Variants in MED23 observed in about 807,000 individuals in gnomAD.
MED23 encodes the protein mediator of RNA polymerase II transcription subunit 23.
Under a neutral mutation model 163.9 loss-of-function variants are expected in MED23, and 105 were observed. The ratio of observed to expected loss-of-function variants is 0.64; its 90% CI spans 0.55 to 0.75. The LOEUF is 0.75. Among genes scored for constraint, MED23 ranks in the 30% least tolerant of loss-of-function variants. MED23 has a pLI of 0.00. For synonymous variants in MED23, 561 were observed against 565.6 expected, an observed-to-expected ratio of 0.99 and a Z score of 0.12; for missense variants, 1,054 against 1,649.0, an observed-to-expected ratio of 0.64 and a Z score of 6.25.
chr6:131,618,284 ACTAT>A, intron 9 of MED23, 119 bp downstream of exon 9: 1 of 751,738 alleles, frequency 1.3e-6, no homozygotes, highest in Admixed American at 2.0e-5. Context: ...TAAACTATAA[ACTAT>A]CTTTCATTAA....
At chr6:131,600,523 T>C (rs1244617679) in intron 17 of MED23, among the ~76,000 whole-genome samples, 1 of 152,362 alleles carries the variant, frequency 6.6e-6, no homozygotes, top group South Asian at 2.1e-4. Context: ...AAGAAAGATA[T>C]CTTTTTTGGT....
rs2114711400 is a variant in MED23, at chr6:131,612,811, T to A, written c.877-2565A>T. On this transcript the variant is annotated intron_variant, in intron 10 of 28. Coordinates refer to ENST00000368068, the MANE Select transcript of MED23 (RefSeq NM_004830.4). ...TAACCCTCGACCTATGCCCAATTCC[T>A]TCCCAGCACTATTTCAAATGGCAAA... is the stretch of plus-strand genomic sequence containing the variant. Among the ~76,000 whole-genome samples, 2 of 152,248 alleles carry A rather than the reference T, an allele frequency of 1.3e-5. 1 individual carries two copies. The highest frequency in any genetic ancestry group is 6.8e-3 in the Middle Eastern group (2 of 294).
exon 31 of MED23, chr6:131,574,019 C>A (rs1233657501): frequency 2.0e-6 from 1 of 494,224 alleles, no homozygotes; most frequent in African/African-American, 1.9e-5. Flanking sequence ...GATTTCCTTA[C>A]AGCCACGAGC....
At chr6:131,614,446 G>A (rs1270393286) in intron 10 of MED23, among the ~76,000 whole-genome samples, 2 of 151,972 alleles carry the variant, frequency 1.3e-5, no homozygotes, top group African/African-American at 2.4e-5. Context: ...TCAAAAAGCT[G>A]GTCTATTTTA....
At chr6:131,626,243 C>T (rs1275271861) in intron 3 of MED23, among the ~76,000 whole-genome samples, 2 of 151,446 alleles carry the variant, frequency 1.3e-5, no homozygotes, top group African/African-American at 4.9e-5. Context: ...ACTGATAAGG[C>T]TTTTGACTCA....
chr6:131,627,871 G>T, intron 1 of MED23, 140 bp downstream of exon 1: 4 of 1,187,870 alleles, frequency 3.4e-6, no homozygotes, highest in Non-Finnish European at 5.0e-6. Context: ...AAACTTCCCC[G>T]CATACAACCT....
Position 131,627,660 on chromosome 6 carries a change from T to C in MED23, c.52A>G (p.Ile18Val), listed in dbSNP as rs1466635141. 6.3e-7 allele frequency: 1 copy of C among 1,598,990 alleles called. No homozygotes were observed. Among genetic ancestry groups the C allele is most frequent in the Admixed American group, 1.7e-5 (1 of 58,338 alleles). ...IFEEVVKTEV[I>V]EEAFPGMFMD... ...ACTCACCCAGGAAAAGCCTCTTCTA[T>C]AACTTCCGTTTTCTGTAAAAAAAAA... is the stretch of plus-strand genomic sequence containing the variant. Residue 18 changes from isoleucine to valine, a missense_variant, in exon 2 of 29, where the codon ATA becomes GTA. Physicochemically the swap from Ile to Val is conservative, Grantham distance 29. This residue lies in a region of MED23 where 227 missense variants were observed against 235.5 expected (regional missense o/e 0.96). Transcript: ENST00000368068.
At chr6:131,610,741 T>A (rs930816705) in intron 10 of MED23, among the ~76,000 whole-genome samples, 1 of 152,230 alleles carries the variant, frequency 6.6e-6, no homozygotes, top group Non-Finnish European at 1.5e-5. Flanking sequence ...TAACTTTATA[T>A]ACAGAGGTAT....
intron 18 of MED23, 48 bp downstream of exon 18, chr6:131,599,990 G>T (rs895663994): frequency 6.2e-7 from 1 of 1,605,448 alleles, no homozygotes; most frequent in East Asian, 2.2e-5. Flanking sequence ...TTGTGAATGG[G>T]AAGAAGGATT....
downstream of MED23, chr6:131,582,579 A>C: frequency 6.7e-7 from 1 of 1,485,920 alleles, no homozygotes; most frequent in Non-Finnish European, 9.4e-7. Flanking sequence ...GGATTTGTTC[A>C]AGAGAATCAT....
intron 8 of MED23, 128 bp from the exon 9 acceptor site, chr6:131,618,647 T>G (rs1201260615): frequency 5.9e-6 from 4 of 676,282 alleles, no homozygotes; most frequent in Non-Finnish European, 1.0e-5. Context: ...CTTATAAAAA[T>G]GTTTCAATGA....
At chr6:131,614,424 G>A (rs148684450) in intron 10 of MED23, among the ~76,000 whole-genome samples, 50 of 152,180 alleles carry the variant, frequency 3.3e-4, no homozygotes, top group Non-Finnish European at 4.9e-4. Flanking sequence ...AGACAAGAAC[G>A]TCTTTTTAAA....
chr6:131,626,135 A>T (rs1259028040), intron 3 of MED23, among the ~76,000 whole-genome samples: 1 of 151,446 alleles, frequency 6.6e-6, no homozygotes, highest in African/African-American at 2.4e-5. Context: ...AAAAAAAAAA[A>T]AAAAAGAAAA....
At chr6:131,605,654 T>A (rs1342604671) in intron 13 of MED23, among the ~76,000 whole-genome samples, 169 bp from the exon 14 acceptor site, 1 of 152,200 alleles carries the variant, frequency 6.6e-6, no homozygotes, top group Non-Finnish European at 1.5e-5. Flanking sequence ...ACATAGAAGT[T>A]TGAGTAGCAT....
At chr6:131,627,222 G>T in intron 3 of MED23, 174 bp downstream of exon 3, 1 of 629,556 alleles carries the variant, frequency 1.6e-6, no homozygotes, top group Non-Finnish European at 2.7e-6. Flanking sequence ...GTTTTCCACT[G>T]AAATATACAA....
intron 4 of MED23, 128 bp from the exon 5 acceptor site, chr6:131,623,590 C>T (rs939645893): frequency 1.2e-5 from 9 of 759,158 alleles, no homozygotes; most frequent in Admixed American, 3.9e-5. Flanking sequence ...ATAATCCCCA[C>T]GTGTCATGAG....
At chr6:131,594,837 C>A (rs2749938) in intron 22 of MED23, among the ~76,000 whole-genome samples, 73,300 of 113,654 alleles carry the variant, frequency 0.64, 19,863 homozygotes, top group African/African-American at 0.78. Context: ...AACAAACAAA[C>A]AAAACCAGCC....
chr6:131,591,179 A>T, intron 26 of MED23, 134 bp downstream of exon 26: 1 of 666,868 alleles, frequency 1.5e-6, no homozygotes, highest in Non-Finnish European at 2.6e-6. Context: ...GGGGTTTCAC[A>T]ATGTTGGCCA....
chr6:131,615,926 A>G lies in MED23; in HGVS notation c.857T>C (p.Met286Thr). ...QPYSRDMVCN[M>T]LGLNKQHKQR... ...CAGTACCTGCTTATTTAAACCTAGC[A>G]TATTGCAGACCATATCCCTGGAATA... is the stretch of plus-strand genomic sequence containing the variant. Residue 286 changes from methionine (M) to threonine (T), a missense_variant, in exon 10 of 29, where the codon ATG becomes ACG. By Grantham distance (81) the Met-to-Thr change is moderately conservative. Transcript: ENST00000368068. 6.2e-7 allele frequency: 1 copy of G among 1,613,416 alleles called. No individual in the cohort carries two copies. The highest frequency in any genetic ancestry group is 2.2e-5 in the East Asian group (1 of 44,808).
Sources: gnomAD v4.1 joint callset for allele counts (sites outside exome capture counted in the v4.1 genomes callset) on GRCh38, gnomAD v4.1.1 for gene constraint, gnomAD v4.1.1 regional missense constraint, MANE v1.5 for transcripts, NCBI Gene and HGNC (gene_info 2026-07-23, HGNC 2026-07-21) for gene names.